RAD51B: variants seen among roughly 807,000 people sequenced by gnomAD.
The protein encoded by RAD51B is RAD51 paralog B, also known as DNA repair protein RAD51 homolog 2.
RAD51B carries 38 observed loss-of-function variants against 42.2 expected under a neutral mutation model. That is an observed-to-expected ratio of 0.90 (90% CI 0.70 to 1.18). The LOEUF (loss-of-function observed/expected upper bound fraction) is 1.18. Ranked by LOEUF, RAD51B falls within the 50% of genes most tolerant of loss-of-function variation. The pLI, the probability that RAD51B is intolerant of heterozygous loss-of-function variation, is 0.00. For synonymous variants in RAD51B, 154 were observed against 145.2 expected (o/e 1.06, Z -0.43); for missense variants, 373 against 400.7 (o/e 0.93, Z 0.59).
At chr14:68,094,519 A>G (rs897257172) in intron 7 of RAD51B, among the ~76,000 whole-genome samples, 4 of 152,246 alleles carry the variant, frequency 2.6e-5, no homozygotes, top group African/African-American at 9.6e-5. Context: ...TATGTAAAAC[A>G]ACACTTAATA....
Position 68,651,497 on chromosome 14 carries a change from T to C in RAD51B, c.*11+641T>C, listed in dbSNP as rs576965571. Among the ~76,000 whole-genome samples the C allele has an allele frequency of 3.9e-5, 6 of 152,312 alleles. No individual in the cohort carries two copies. In the South Asian group the frequency reaches 8.3e-4, roughly 21 times the overall value. ...ATGTTTAAAAGGACAAACCTTAAGC[T>C]AGCTGGAAAGCTCCACTATCCAGAA... On this transcript the variant is annotated intron_variant, in intron 11 of 11. Transcript: ENST00000488612.
chr14:68,558,840 G>A (rs1334873552), intron 10 of RAD51B, among the ~76,000 whole-genome samples: 1 of 152,154 alleles, frequency 6.6e-6, no homozygotes, highest in Admixed American at 6.5e-5. Context: ...GGACTTCAGT[G>A]TATCTTTTGA....
At chr14:68,045,709 C>G (rs1051210614) in intron 7 of RAD51B, among the ~76,000 whole-genome samples, 3 of 151,922 alleles carry the variant, frequency 2.0e-5, no homozygotes, top group African/African-American at 7.3e-5. Flanking sequence ...TTTGAAAATA[C>G]CAAAACTCAG....
chr14:68,438,878 G>T lies in RAD51B; in HGVS notation c.957+27351G>T, dbSNP rs559887983. 2.0e-5 allele frequency among the ~76,000 whole-genome samples: 3 copies of T among 152,146 alleles called. No homozygotes were observed. The East Asian group carries it at 5.8e-4, about 29-fold the overall frequency. ...TGTAAAGTCCAGGGGAGTGGCATCA[G>T]TAGCTAATTTGCAGAAATACCAGTA... is the stretch of plus-strand genomic sequence containing the variant. On this transcript the variant is annotated intron_variant, in intron 9 of 10. Coordinates refer to ENST00000471583, the MANE Select transcript of RAD51B (RefSeq NM_133510.4).
intron 8 of RAD51B, among the ~76,000 whole-genome samples, chr14:68,318,859 T>A (rs985899620): frequency 7.2e-5 from 11 of 152,168 alleles, no homozygotes; most frequent in African/African-American, 2.7e-4. Flanking sequence ...AAAGAAGAGA[T>A]ATTTTTGGAA....
intron 7 of RAD51B, among the ~76,000 whole-genome samples, chr14:68,200,884 C>T (rs887213344): frequency 6.6e-5 from 10 of 152,038 alleles, no homozygotes; most frequent in Admixed American, 3.9e-4. Context: ...TCTCAAACTC[C>T]TGGACTCGAG....
chr14:67,913,753 T>C (rs1019438821), intron 7 of RAD51B, among the ~76,000 whole-genome samples: 1 of 152,172 alleles, frequency 6.6e-6, no homozygotes, highest in South Asian at 2.1e-4. Flanking sequence ...TCAAGGTAAG[T>C]AGGGTATCTG....
At chr14:67,838,323 T>A (rs1477496932) in intron 4 of RAD51B, among the ~76,000 whole-genome samples, 1 of 152,072 alleles carries the variant, frequency 6.6e-6, no homozygotes, top group Non-Finnish European at 1.5e-5. Context: ...CATGTGGAGG[T>A]AAGAGAGAGC....
chr14:67,877,805 G>T (rs1202043514), intron 5 of RAD51B, among the ~76,000 whole-genome samples: 1 of 152,172 alleles, frequency 6.6e-6, no homozygotes. Context: ...TGGGACTGTA[G>T]ACGTGTGCTA....
intron 7 of RAD51B, among the ~76,000 whole-genome samples, chr14:67,992,228 G>A (rs548788264): frequency 1.3e-5 from 2 of 152,228 alleles, no homozygotes; most frequent in East Asian, 3.9e-4. Context: ...AAGCCTATAA[G>A]GAGTCATAAT....
chr14:68,241,665 GTTTTA>G (rs2080390931), intron 7 of RAD51B, among the ~76,000 whole-genome samples: 1 of 151,922 alleles, frequency 6.6e-6, no homozygotes, highest in Admixed American at 6.6e-5. Flanking sequence ...TAGTTCTCAG[GTTTTA>G]TTTTTTTTTT....
intron 9 of RAD51B, among the ~76,000 whole-genome samples, chr14:68,452,336 T>C (rs2085577756): frequency 6.6e-6 from 1 of 152,222 alleles, no homozygotes; most frequent in Non-Finnish European, 1.5e-5. Flanking sequence ...TTCACACTTA[T>C]TTGAAAATTG....
intron 9 of RAD51B, among the ~76,000 whole-genome samples, chr14:68,434,168 C>G (rs565668578): frequency 1.4e-4 from 22 of 152,170 alleles, no homozygotes; most frequent in Non-Finnish European, 2.6e-4. Context: ...GGGGTGCCTC[C>G]CAGTTAAGCT....
chr14:68,313,044 T>G (rs1346726198), intron 8 of RAD51B, among the ~76,000 whole-genome samples: 1 of 152,220 alleles, frequency 6.6e-6, no homozygotes. Context: ...GATTTTAACT[T>G]TCAAAGTTTA....
chr14:67,880,028 T>G (rs1356575098), intron 5 of RAD51B, among the ~76,000 whole-genome samples: 1 of 152,238 alleles, frequency 6.6e-6, no homozygotes, highest in Non-Finnish European at 1.5e-5. Context: ...TGTAATATTA[T>G]GCATTTATCA....
intron 7 of RAD51B, among the ~76,000 whole-genome samples, chr14:67,923,636 G>A (rs1274386388): frequency 6.6e-6 from 1 of 152,112 alleles, no homozygotes; most frequent in Non-Finnish European, 1.5e-5. Context: ...TTATTGATGG[G>A]CATTTGGGCT....
At chr14:68,265,638 G>A (rs2080976152) in intron 7 of RAD51B, among the ~76,000 whole-genome samples, 2 of 152,302 alleles carry the variant, frequency 1.3e-5, no homozygotes, top group South Asian at 4.1e-4. Flanking sequence ...TGTAATCCCA[G>A]CTGCTCGGGA....
At chr14:68,020,381 G>A (rs918890966) in intron 7 of RAD51B, among the ~76,000 whole-genome samples, 1 of 152,154 alleles carries the variant, frequency 6.6e-6, no homozygotes, top group Non-Finnish European at 1.5e-5. Flanking sequence ...AGAATGCTAG[G>A]ATTACAGGTG....
intron 7 of RAD51B, among the ~76,000 whole-genome samples, chr14:68,002,954 G>C (rs552065102): frequency 6.6e-6 from 1 of 152,296 alleles, no homozygotes; most frequent in South Asian, 2.1e-4. Context: ...TTTGAAGTCA[G>C]GTAGTGTGAT....
Sources: gnomAD v4.1 joint callset for allele counts (sites outside exome capture counted in the v4.1 genomes callset) on GRCh38, gnomAD v4.1.1 for gene constraint, MANE v1.5 for transcripts, NCBI Gene and HGNC (gene_info 2026-07-23, HGNC 2026-07-21) for gene names.